Variants in ERC1 observed in about 807,000 individuals in gnomAD.
ERC1 encodes RAB6 interacting protein 2.
Under a neutral mutation model 132.0 loss-of-function variants are expected in ERC1, and 56 were observed. That is an observed-to-expected ratio of 0.42 (90% CI 0.34 to 0.53). The LOEUF (loss-of-function observed/expected upper bound fraction) is 0.53. Among genes scored for constraint, ERC1 ranks in the 20% least tolerant of loss-of-function variants. ERC1 has a pLI of 0.03. For synonymous variants in ERC1, 478 were observed against 476.1 expected, an observed-to-expected ratio of 1.00 and a Z score of -0.05; for missense variants, 1,202 against 1,349.9, an observed-to-expected ratio of 0.89 and a Z score of 1.72.
At chr12:1,091,028 G>T (rs1032748740) in intron 3 of ERC1, among the ~76,000 whole-genome samples, 1 of 152,030 alleles carries the variant, frequency 6.6e-6, no homozygotes, top group African/African-American at 2.4e-5. Context: ...TTCCTGAGTA[G>T]CTGGGACAAC....
At chr12:1,440,869 C>A (rs1435717490) in intron 17 of ERC1, among the ~76,000 whole-genome samples, 1 of 151,714 alleles carries the variant, frequency 6.6e-6, no homozygotes, top group Non-Finnish European at 1.5e-5. Context: ...TGCTCTCGAA[C>A]TCCTGTCCCC....
In ERC1 at chr12:1,258,930, G is replaced by T. The variant is rs114224051; in HGVS notation, c.2488-4104G>T. 6.4e-3 allele frequency among the ~76,000 whole-genome samples: 977 copies of T among 152,216 alleles called. 13 individuals are homozygous for T. Among genetic ancestry groups the T allele is most frequent in the African/African-American group, 0.022 (920 of 41,528 alleles). ...GCCTGAAGATGTGTTTGCCTGGTCT[G>T]CTTTTCTCTTTTCACAGTAAACAGT... is the stretch of plus-strand genomic sequence containing the variant. On this transcript the variant is annotated intron_variant, in intron 13 of 18. Coordinates refer to ENST00000360905, the MANE Select transcript of ERC1 (RefSeq NM_178040.4).
rs1267566278 is a variant in ERC1, at chr12:1,418,623, CTT to C, written c.3024+10378_3024+10379del. On this transcript the variant is annotated intron_variant, in intron 17 of 18. Transcript: ENST00000360905. The stretch of plus-strand genomic sequence containing the variant: ...TCTTTCTTTCTTTCTTTCTTTCTTT[CTT>C]TCTTTCTTTCTTTCTTTCTCTCTCT... 8.3e-3 allele frequency among the ~76,000 whole-genome samples: 1,049 copies of C among 125,930 alleles called. 12 individuals are homozygous for C. The highest frequency in any genetic ancestry group is 0.019 in the African/African-American group (479 of 24,728). 82.6% of individuals were successfully genotyped at this position (125,930 alleles called of 152,430 possible). A position where few individuals can be genotyped will look rare whatever the true frequency, so the allele number is the denominator to read the frequency against.
chr12:1,178,539 T>G (rs541129099), intron 8 of ERC1, among the ~76,000 whole-genome samples: 79 of 152,208 alleles, frequency 5.2e-4, no homozygotes, highest in Non-Finnish European at 1.1e-3. Flanking sequence ...CATGGAAGAA[T>G]GGAGGAGTGT....
chr12:1,109,579 G>T (rs1048183859), intron 4 of ERC1, among the ~76,000 whole-genome samples: 3 of 152,098 alleles, frequency 2.0e-5, no homozygotes, highest in African/African-American at 7.2e-5. Context: ...TGTAATTTCT[G>T]ATGCAAAGAA....
At chr12:1,024,278 G>C (rs762848063) in intron 1 of ERC1, among the ~76,000 whole-genome samples, 3 of 152,120 alleles carry the variant, frequency 2.0e-5, no homozygotes, top group Non-Finnish European at 4.4e-5. Flanking sequence ...CTACTCGGGT[G>C]GCTGAGGTGG....
intron 15 of ERC1, among the ~76,000 whole-genome samples, chr12:1,370,369 A>G (rs2087086852): frequency 6.6e-6 from 1 of 152,236 alleles, no homozygotes; most frequent in Admixed American, 6.5e-5. Flanking sequence ...CATTGCCAGT[A>G]AAGCCACAAC....
At chr12:1,366,880 G>C (rs73040857) in intron 15 of ERC1, among the ~76,000 whole-genome samples, 4,715 of 152,240 alleles carry the variant, frequency 0.031, 82 homozygotes, top group Middle Eastern at 0.071. Flanking sequence ...TTACATTAAA[G>C]AGATATTTCT....
At chr12:1,016,640 T>G (rs891504977) in intron 1 of ERC1, among the ~76,000 whole-genome samples, 11 of 150,876 alleles carry the variant, frequency 7.3e-5, no homozygotes, top group Non-Finnish European at 1.2e-4. Context: ...CTTTTCTTTT[T>G]TTTTTTTTTT....
intron 17 of ERC1, among the ~76,000 whole-genome samples, chr12:1,423,997 G>A (rs2092524054): frequency 1.3e-5 from 2 of 151,976 alleles, no homozygotes; most frequent in African/African-American, 4.8e-5. Flanking sequence ...TTTCTGGGTG[G>A]CAGATTGCCA....
At chr12:1,032,868 T>G (rs562606928) in intron 2 of ERC1, among the ~76,000 whole-genome samples, 2 of 151,750 alleles carry the variant, frequency 1.3e-5, no homozygotes, top group African/African-American at 4.9e-5. Flanking sequence ...TCTCAGGTTT[T>G]TTTTTTTAAT....
intron 8 of ERC1, among the ~76,000 whole-genome samples, chr12:1,162,644 C>T (rs931355533): frequency 6.6e-6 from 1 of 151,820 alleles, no homozygotes; most frequent in Non-Finnish European, 1.5e-5. Context: ...ATCATAAAAT[C>T]GGACAGGAGA....
intron 2 of ERC1, among the ~76,000 whole-genome samples, chr12:1,077,725 C>CA (rs1941573189): frequency 6.6e-6 from 1 of 152,292 alleles, no homozygotes; most frequent in Admixed American, 6.5e-5. Flanking sequence ...TCCTTAAACT[C>CA]AATGTATCTG....
rs1232877788 is a variant in ERC1 at position 1,313,563 on chromosome 12, A to T, written c.2780+23551A>T. On this transcript the variant is annotated intron_variant, in intron 15 of 18. Coordinates refer to ENST00000360905, the MANE Select transcript of ERC1 (RefSeq NM_178040.4). ...GAGGCACTAACCAACCACCAAAAAG[A>T]GGCTAATCACCTCCCATATGTAAAT... 2.6e-5 allele frequency among the ~76,000 whole-genome samples: 4 copies of T among 152,050 alleles called. No homozygotes were observed. In the East Asian group the frequency reaches 7.7e-4, roughly 29 times the overall value.
chr12:1,106,158 G>T (rs1945239971), intron 4 of ERC1, among the ~76,000 whole-genome samples: 1 of 152,150 alleles, frequency 6.6e-6, no homozygotes, highest in Admixed American at 6.5e-5. Context: ...ATCAACAAAT[G>T]GTGATAGTAA....
intron 2 of ERC1, among the ~76,000 whole-genome samples, chr12:1,028,841 CA>C (rs1428572223): frequency 6.7e-6 from 1 of 149,712 alleles, no homozygotes; most frequent in Non-Finnish European, 1.5e-5. Flanking sequence ...TTCCTTTCAG[CA>C]TATGTTATCT....
chr12:1,467,240 G>A lies in ERC1; in HGVS notation c.3213+22490G>A, dbSNP rs112569986. Among the ~76,000 whole-genome samples the A allele has an allele frequency of 3.8e-3, 574 of 152,308 alleles. 3 individuals are homozygous for A. Among genetic ancestry groups the A allele is most frequent in the African/African-American group, 0.013 (533 of 41,558 alleles). On this transcript the variant is annotated intron_variant, in intron 18 of 18. Transcript: ENST00000360905. ...GATATTGGATAAGGCTCCGACCTGC[G>A]TGCCTGAAATTTCAGTGGTTCGGTT...
In ERC1 at chr12:1,183,267, G is replaced by A. The variant is rs900545794; in HGVS notation, c.2017-14G>A. ...TTAAAATTATTTATTCTAGATGTGTGTTCCTTCTTTTAGGCTTCACTTTTG... is the reference window on the plus strand; with the variant it reads ...TTAAAATTATTTATTCTAGATGTGTATTCCTTCTTTTAGGCTTCACTTTTG... On this transcript the variant is annotated splice_polypyrimidine_tract_variant and intron_variant, in intron 10 of 18. Transcript: ENST00000360905. 2.0e-6 allele frequency: 3 copies of A among 1,518,176 alleles called. No homozygotes were observed. Among genetic ancestry groups the A allele is most frequent in the Admixed American group, 3.8e-5 (2 of 52,392 alleles). 94.0% of individuals were successfully genotyped at this position (1,518,176 alleles called of 1,614,324 possible).
chr12:1,316,150 G>A (rs2081697910), intron 15 of ERC1, among the ~76,000 whole-genome samples: 2 of 152,208 alleles, frequency 1.3e-5, no homozygotes, highest in South Asian at 4.1e-4. Flanking sequence ...GCCTCCCAAA[G>A]TGCTGGGATT....
Sources: allele counts gnomAD v4.1 joint callset (sites outside exome capture counted in the v4.1 genomes callset), GRCh38; gene constraint gnomAD v4.1.1; transcripts MANE v1.5; gene names NCBI Gene and HGNC (gene_info 2026-07-23, HGNC 2026-07-21).